USP34: variants seen among roughly 807,000 people sequenced by gnomAD.
USP34 encodes ubiquitin carboxyl-terminal hydrolase 34.
A neutral mutation model predicts 460.3 loss-of-function variants in USP34; 70 were observed. That is an observed-to-expected ratio of 0.15 (90% confidence interval 0.13 to 0.19). The LOEUF (loss-of-function observed/expected upper bound fraction) is 0.19. Among genes scored for constraint, USP34 ranks in the 10% least tolerant of loss-of-function variants. The pLI is 1.00. For synonymous variants in USP34, 1,647 were observed against 1,405.3 expected (o/e 1.17, Z -3.85); for missense variants, 3,985 against 4,236.2 (o/e 0.94, Z 1.65).
chr2:61,211,947 G>A lies in USP34; in HGVS notation c.8683-18C>T, dbSNP rs773174528. On this transcript the variant is annotated intron_variant, in intron 68 of 79. Transcript: ENST00000398571. ...TCTACTGCCTAAAAAAGCCAAATAAGCCATATGATCTTTTAACCCTATAGC... is the reference window on the plus strand; with the variant it reads ...TCTACTGCCTAAAAAAGCCAAATAAACCATATGATCTTTTAACCCTATAGC... 1.3e-6 allele frequency: 2 copies of A among 1,593,184 alleles called. No homozygotes were observed. Among genetic ancestry groups the A allele is most frequent in the Non-Finnish European group, 1.7e-6 (2 of 1,174,406 alleles).
chr2:61,344,121 C>T (rs1480934962), intron 15 of USP34, 92 bp from the exon 16 acceptor site: 3 of 1,180,044 alleles, frequency 2.5e-6, no homozygotes, highest in African/African-American at 1.5e-5. Context: ...CTTACAAATA[C>T]ACTTAGAAAC....
intron 62 of USP34, 180 bp downstream of exon 62, chr2:61,226,887 C>T: frequency 1.4e-6 from 1 of 737,314 alleles, no homozygotes; most frequent in Non-Finnish European, 1.9e-6. Flanking sequence ...ATTCTTATGC[C>T]ACAAGAGTTG....
chr2:61,463,173 C>T (rs1695657163), intron 1 of USP34, among the ~76,000 whole-genome samples: 1 of 151,836 alleles, frequency 6.6e-6, no homozygotes, highest in Non-Finnish European at 1.5e-5. Flanking sequence ...TGCAGAATAA[C>T]AGTATTAAGA....
At chr2:61,395,090 T>C in intron 4 of USP34, 88 bp from the exon 5 acceptor site, 1 of 1,449,926 alleles carries the variant, frequency 6.9e-7, no homozygotes, top group Non-Finnish European at 9.3e-7. Flanking sequence ...GATGAGAAAC[T>C]CAAAAGACAT....
intron 56 of USP34, 57 bp downstream of exon 56, chr2:61,235,969 A>G: frequency 1.3e-6 from 2 of 1,596,312 alleles, no homozygotes; most frequent in Non-Finnish European, 1.7e-6. Flanking sequence ...AACAAAAACC[A>G]AAAGATATCT....
chr2:61,230,850 A>AG (rs1687872987), intron 58 of USP34, among the ~76,000 whole-genome samples: 1 of 151,580 alleles, frequency 6.6e-6, no homozygotes, highest in Admixed American at 6.6e-5. Context: ...GTCTCAAAAA[A>AG]AAAAAAAACA....
chr2:61,455,061 T>C (rs1014312203), intron 1 of USP34, among the ~76,000 whole-genome samples: 1 of 151,926 alleles, frequency 6.6e-6, no homozygotes, highest in Non-Finnish European at 1.5e-5. Context: ...TTTGTATTTT[T>C]AGTAGGGACA....
chr2:61,352,585 C>T (rs899503291), intron 10 of USP34, among the ~76,000 whole-genome samples: 7 of 150,718 alleles, frequency 4.6e-5, no homozygotes, highest in African/African-American at 1.2e-4. Flanking sequence ...GCCTCAGCCT[C>T]GCAAAGTGCT....
At chr2:61,427,882 G>C (rs1446352399) in intron 1 of USP34, among the ~76,000 whole-genome samples, 1 of 152,066 alleles carries the variant, frequency 6.6e-6, no homozygotes, top group Non-Finnish European at 1.5e-5. Context: ...GTTTTTGGTG[G>C]CCAGGCACAG....
intron 75 of USP34, among the ~76,000 whole-genome samples, chr2:61,201,879 C>G (rs1488543097): frequency 2.0e-5 from 3 of 152,188 alleles, no homozygotes; most frequent in Non-Finnish European, 4.4e-5. Context: ...CAAGGCTGTA[C>G]TACTAGAACT....
intron 1 of USP34, among the ~76,000 whole-genome samples, chr2:61,455,178 C>T (rs945410922): frequency 2.0e-5 from 3 of 151,220 alleles, no homozygotes; most frequent in Admixed American, 1.3e-4. Context: ...CGCCACACCC[C>T]AGCCTTTTGT....
Position 61,446,701 on chromosome 2 carries a change from T to C in USP34, c.43+23949A>G, listed in dbSNP as rs146976532. Among the ~76,000 whole-genome samples the C allele has an allele frequency of 3.9e-3, 589 of 150,402 alleles. 5 individuals are homozygous for C. The highest frequency in any genetic ancestry group is 0.039 in the East Asian group (196 of 5,058). On this transcript the variant is annotated intron_variant, in intron 1 of 79. Transcript: ENST00000398571. ...ATCTCAGCTACTCAGGAGGCTGAGG[T>C]GAGAGAATCCCTAGAACCTGAGAGG... is the stretch of plus-strand genomic sequence containing the variant.
intron 1 of USP34, among the ~76,000 whole-genome samples, chr2:61,445,391 G>A (rs919637067): frequency 2.5e-4 from 38 of 151,566 alleles, no homozygotes; most frequent in South Asian, 8.3e-4. Flanking sequence ...AAAAGTTAGC[G>A]GGGCGTGGTG....
In USP34 at chr2:61,187,882, C is replaced by CAT. The variant is rs1686483883; in HGVS notation, c.*218_*219dup. On this transcript the variant is annotated 3_prime_UTR_variant, in exon 80 of 80. Transcript: ENST00000398571. The stretch of plus-strand genomic sequence containing the variant: ...AAAGTGAACTCTTAATTACATAAAA[C>CAT]ATATCCATTATCTGATTGCCCTTTA... 7.3e-7 allele frequency: 1 copy of CAT among 1,376,524 alleles called. No individual in the cohort carries two copies. Among genetic ancestry groups the CAT allele is most frequent in the African/African-American group, 1.5e-5 (1 of 68,214 alleles). 85.3% of individuals were successfully genotyped at this position (1,376,524 alleles called of 1,614,324 possible). A position where few individuals can be genotyped will look rare whatever the true frequency, so the allele number is the denominator to read the frequency against.
In USP34 at chr2:61,277,037, G is replaced by A. The variant is rs140933286; in HGVS notation, c.5433+1128C>T. On this transcript the variant is annotated intron_variant, in intron 41 of 79. Transcript: ENST00000398571. ...TTTAATCAAGAGACAATCAAAATGAGACATTTGTTGGTTCAGAGTCACGAA... is the reference window on the plus strand; with the variant it reads ...TTTAATCAAGAGACAATCAAAATGAAACATTTGTTGGTTCAGAGTCACGAA... Among the ~76,000 whole-genome samples, 13 of 152,234 alleles carry A rather than the reference G, an allele frequency of 8.5e-5. No homozygotes were observed. The East Asian group carries it at 2.5e-3, about 29-fold the overall frequency.
intron 10 of USP34, 69 bp from the exon 11 acceptor site, chr2:61,350,762 AAC>A: frequency 6.7e-7 from 1 of 1,503,318 alleles, no homozygotes; most frequent in South Asian, 1.4e-5. Context: ...CTGATATAAA[AAC>A]AGTTTGAAAG....
chr2:61,365,944 C>CTATTTATTTATTTATTTATTTATTTATT (rs70963417), intron 10 of USP34, among the ~76,000 whole-genome samples: 25 of 150,302 alleles, frequency 1.7e-4, no homozygotes, highest in South Asian at 2.1e-4. Context: ...CTGGGAACAC[C>CTATTTATTTATTTATTTATTTATTTATT]TATTTATTTA....
chr2:61,382,817 C>A lies in USP34; in HGVS notation c.821+452G>T, dbSNP rs1303786287. Among the ~76,000 whole-genome samples, 6 of 152,248 alleles carry A rather than the reference C, an allele frequency of 3.9e-5. No individual in the cohort carries two copies. In the East Asian group the frequency reaches 9.6e-4, roughly 24 times the overall value. ...CCTGTCCCCATAAACTGTAACCCAC[C>A]CCCTAGAACTCTCAAGCCACCTTTG... On this transcript the variant is annotated intron_variant, in intron 6 of 79. Coordinates refer to ENST00000398571, the MANE Select transcript of USP34 (RefSeq NM_014709.4).
chr2:61,387,179 G>A (rs1693173422), intron 5 of USP34, among the ~76,000 whole-genome samples: 1 of 152,064 alleles, frequency 6.6e-6, no homozygotes, highest in Non-Finnish European at 1.5e-5. Flanking sequence ...ATATATAACA[G>A]GCCAGGTGCA....
Sources: gnomAD v4.1 joint callset for allele counts (sites outside exome capture counted in the v4.1 genomes callset) on GRCh38, gnomAD v4.1.1 for gene constraint, MANE v1.5 for transcripts, NCBI Gene and HGNC (gene_info 2026-07-23, HGNC 2026-07-21) for gene names.